ATAD3B: variants seen among roughly 807,000 people sequenced by gnomAD.
ATAD3B encodes ATPase family AAA domain containing 3B.
In ATAD3B, 59 loss-of-function variants were observed where a neutral mutation model predicts 70.2. The observed-to-expected ratio is 0.84, with a 90% CI of 0.68 to 1.04. The LOEUF is 1.04. ATAD3B is among the 50% of genes least tolerant of loss of function. The probability of loss-of-function intolerance (pLI) is 0.00; values close to 1 mark genes in which losing one functional copy is unlikely to be tolerated. For synonymous variants in ATAD3B, 423 were observed against 388.6 expected, an observed-to-expected ratio of 1.09 and a Z score of -1.04; for missense variants, 961 against 913.4, an observed-to-expected ratio of 1.05 and a Z score of -0.67.
intron 1 of ATAD3B, among the ~76,000 whole-genome samples, chr1:1,472,931 T>C (rs1444333379): frequency 6.6e-6 from 1 of 151,598 alleles, no homozygotes; most frequent in African/African-American, 2.4e-5. Flanking sequence ...CCTCCGATTC[T>C]CCTGCCGCAG....
chr1:1,507,329 T>C, the ATAD3B span, among the ~76,000 whole-genome samples: 33 of 152,200 alleles, frequency 2.2e-4, no homozygotes, highest in Non-Finnish European at 4.0e-4. Context: ...GCCTTCATTA[T>C]GTTTAGGGCG....
In ATAD3B at chr1:1,486,240, G is replaced by A. The variant is rs1349345523; in HGVS notation, c.1089+5G>A. On this transcript the variant is annotated splice_donor_5th_base_variant and intron_variant, in intron 10 of 15. Transcript: ENST00000673477. Reference sequence around the variant, plus strand: ...GGGAAGACGCTGTTTGCCAAGGTGAGAGCGCCTGGCTGAACAGGTGGGCCA... The same window carrying A: ...GGGAAGACGCTGTTTGCCAAGGTGAAAGCGCCTGGCTGAACAGGTGGGCCA... The A allele has an allele frequency of 6.2e-7, 1 of 1,612,704 alleles. No individual in the cohort carries two copies. The highest frequency in any genetic ancestry group is 8.5e-7 in the Non-Finnish European group (1 of 1,179,644).
At chr1:1,490,993 G>C (rs1022361993) in intron 15 of ATAD3B, among the ~76,000 whole-genome samples, 2 of 151,980 alleles carry the variant, frequency 1.3e-5, no homozygotes, top group African/African-American at 4.8e-5. Flanking sequence ...TGGCCAACAG[G>C]CACCTCCTAG....
intron 13 of ATAD3B, 127 bp from the exon 14 acceptor site, chr1:1,490,130 T>C (rs1243745925): frequency 2.0e-6 from 3 of 1,466,180 alleles, no homozygotes; most frequent in Non-Finnish European, 2.7e-6. Context: ...CCATGTTTCC[T>C]GTGCTCACAA....
At chr1:1,503,637 G>A in the ATAD3B span, 1 of 1,612,146 alleles carries the variant, frequency 6.2e-7, no homozygotes, top group South Asian at 1.1e-5. Context: ...AGACGCTGCA[G>A]TTGGAGCAAC....
At chr1:1,478,109 G>A in intron 2 of ATAD3B, 1 of 203,006 alleles carries the variant, frequency 4.9e-6, no homozygotes, top group South Asian at 8.2e-5. Flanking sequence ...TCAACCTCCT[G>A]CCTCAGCCTT....
At chr1:1,509,444 A>T in the ATAD3B span, 1 of 1,595,052 alleles carries the variant, frequency 6.3e-7, no homozygotes, top group Non-Finnish European at 8.6e-7. Context: ...TACTCCCCGT[A>T]ATAAAGTCCC....
At chr1:1,491,868 A>G (rs1200074483) in intron 15 of ATAD3B, among the ~76,000 whole-genome samples, 3 of 151,908 alleles carry the variant, frequency 2.0e-5, no homozygotes, top group Admixed American at 6.6e-5. Context: ...CCCCACTTGG[A>G]ACCAGGTCTG....
chr1:1,482,158 G>T lies in ATAD3B; in HGVS notation c.535G>T (p.Glu179Ter). 1.9e-6 allele frequency: 3 copies of T among 1,609,938 alleles called. No homozygotes were observed. Among genetic ancestry groups the T allele is most frequent in the Non-Finnish European group, 2.5e-6 (3 of 1,178,974 alleles). ...GGCAGCCACCGTGGAGCGGGAGATG[G>T]AGCTGCGGCACAAGAATGAGATGCT... is the stretch of plus-strand genomic sequence containing the variant. ...MRRATVEREM[E>*]LRHKNEMLRV... Residue 179 changes from glutamate to a stop codon, truncating the protein, a stop_gained, in exon 6 of 16, where the codon GAG becomes TAG. Transcript: ENST00000673477. LOFTEE classifies it high-confidence loss of function.
At position 1,483,017 on chromosome 1, in the gene ATAD3B, G is replaced by A. The variant is rs1390610057; in HGVS notation, c.750+403G>A. The A allele has an allele frequency of 4.4e-6, 2 of 458,112 alleles. 1 individual carries two copies. The highest frequency in any genetic ancestry group is 8.7e-6 in the Non-Finnish European group (2 of 229,618). 28.4% of individuals were successfully genotyped at this position (458,112 alleles called of 1,614,324 possible). A position where few individuals can be genotyped will look rare whatever the true frequency, so the allele number is the denominator to read the frequency against. ...CCTTGTCTCAAGAAAAAAATGGCCA[G>A]GCGGTAGTGGCTCAGGCCTGTAATC... On this transcript the variant is annotated intron_variant, in intron 7 of 15. Coordinates refer to ENST00000673477, the MANE Select transcript of ATAD3B (RefSeq NM_031921.6).
chr1:1,485,672 T>C, intron 8 of ATAD3B, 110 bp from the exon 9 acceptor site: 3 of 1,519,864 alleles, frequency 2.0e-6, no homozygotes, highest in Non-Finnish European at 2.7e-6. Flanking sequence ...GTCCTGGCTG[T>C]GCTTTGGGGC....
At position 1,482,172 on chromosome 1, in the gene ATAD3B, G is replaced by C. The variant is rs748908531; in HGVS notation, c.549G>C (p.Lys183Asn). 6.2e-7 allele frequency: 1 copy of C among 1,610,656 alleles called. No individual in the cohort carries two copies. Among genetic ancestry groups the C allele is most frequent in the Non-Finnish European group, 8.5e-7 (1 of 1,179,154 alleles). Residue 183 changes from lysine (K) to asparagine (N), a missense_variant, in exon 6 of 16, where the codon AAG becomes AAC. Transcript: ENST00000673477. Reference protein sequence around the residue: ...TVEREMELRHKNEMLRVETEA... With the variant: ...TVEREMELRHNNEMLRVETEA... ...AGCGGGAGATGGAGCTGCGGCACAA[G>C]AATGAGATGCTGCGAGTGGAGACCG... is the stretch of plus-strand genomic sequence containing the variant.
At chr1:1,485,271 C>T (rs1467909415) in intron 8 of ATAD3B, 100 bp downstream of exon 8, 2 of 1,518,580 alleles carry the variant, frequency 1.3e-6, no homozygotes, top group Non-Finnish European at 1.8e-6. Context: ...CCTTCCCTTT[C>T]CCCGGATAAC....
At chr1:1,486,332 C>G (rs1640214373) in intron 10 of ATAD3B, 97 bp downstream of exon 10, 6 of 1,601,348 alleles carry the variant, frequency 3.7e-6, no homozygotes, top group Non-Finnish European at 5.1e-6. Context: ...AATGGACCCC[C>G]CTTAGGCCTT....
At chr1:1,503,097 C>T in the ATAD3B span, among the ~76,000 whole-genome samples, 1 of 151,568 alleles carries the variant, frequency 6.6e-6, no homozygotes. Context: ...GTGGCGGGCA[C>T]CTGTAGTCCC....
downstream of ATAD3B, among the ~76,000 whole-genome samples, chr1:1,498,124 G>C (rs1317954346): frequency 5.9e-5 from 9 of 151,292 alleles, no homozygotes; most frequent in African/African-American, 2.2e-4. Context: ...CCAATGTGGT[G>C]AAACCCCCAT....
chr1:1,498,849 G>A (rs1381607357), downstream of ATAD3B, among the ~76,000 whole-genome samples: 2 of 152,052 alleles, frequency 1.3e-5, no homozygotes, highest in Admixed American at 6.5e-5. Flanking sequence ...TCTCAGCTGC[G>A]AAATTTACTT....
Position 1,479,236 on chromosome 1 carries a change from G to A in ATAD3B, c.444+128G>A, listed in dbSNP as rs1249760667. On this transcript the variant is annotated intron_variant, in intron 4 of 15. Coordinates refer to ENST00000673477, the MANE Select transcript of ATAD3B (RefSeq NM_031921.6). ...TTGCTGACGGTGGGTGCTAGAGCAG[G>A]GGAAACTACTCGGACAGACACGCAC... The A allele has an allele frequency of 1.0e-5, 12 of 1,173,700 alleles. 1 individual carries two copies. The highest frequency in any genetic ancestry group is 5.3e-4 in the Middle Eastern group (2 of 3,754). 72.7% of individuals were successfully genotyped at this position (1,173,700 alleles called of 1,614,324 possible). A position where few individuals can be genotyped will look rare whatever the true frequency, so the allele number is the denominator to read the frequency against.
At chr1:1,502,474 C>T (rs1640965802), downstream of ATAD3B, among the ~76,000 whole-genome samples, 1 of 147,088 alleles carries the variant, frequency 6.8e-6, no homozygotes. Flanking sequence ...TCCCAAAGTG[C>T]TGGGATTACA....
Sources: gnomAD v4.1 joint callset for allele counts (sites outside exome capture counted in the v4.1 genomes callset) on GRCh38, gnomAD v4.1.1 for gene constraint, MANE v1.5 for transcripts, NCBI Gene and HGNC (gene_info 2026-07-23, HGNC 2026-07-21) for gene names.